RNF180: variants seen among roughly 807,000 people sequenced by gnomAD.
RNF180 encodes the protein E3 ubiquitin-protein ligase RNF180.
A neutral mutation model predicts 59.2 loss-of-function variants in RNF180; 38 were observed. That is an observed-to-expected ratio of 0.64 (90% CI 0.50 to 0.84). RNF180 has a LOEUF of 0.84. Ranked by LOEUF, RNF180 falls within the 40% of genes least tolerant of loss-of-function variation. RNF180 has a pLI of 0.00. For synonymous variants in RNF180, 262 were observed against 240.3 expected, an observed-to-expected ratio of 1.09 and a Z score of -0.84; for missense variants, 705 against 700.9, an observed-to-expected ratio of 1.01 and a Z score of -0.07.
chr5:64,290,531 A>G (rs552684554), intron 5 of RNF180, among the ~76,000 whole-genome samples: 1 of 152,312 alleles, frequency 6.6e-6, no homozygotes, highest in South Asian at 2.1e-4. Flanking sequence ...GTAGGTCTCT[A>G]AGAACTTGCT....
intron 5 of RNF180, among the ~76,000 whole-genome samples, chr5:64,231,054 G>C (rs1487707969): frequency 1.3e-5 from 2 of 152,182 alleles, no homozygotes; most frequent in Non-Finnish European, 2.9e-5. Context: ...ACAAGGCATT[G>C]TTTGAAAAGG....
chr5:64,347,042 G>A (rs530266006), intron 7 of RNF180, among the ~76,000 whole-genome samples: 3 of 152,188 alleles, frequency 2.0e-5, no homozygotes, highest in Non-Finnish European at 4.4e-5. Context: ...CCGAAATAAA[G>A]TTAACTCTGG....
intron 5 of RNF180, among the ~76,000 whole-genome samples, chr5:64,225,334 C>CT (rs1741619116): frequency 7.1e-6 from 1 of 140,824 alleles, no homozygotes. Flanking sequence ...GCCCAGCCGC[C>CT]CCGTCTGGGA....
intron 5 of RNF180, among the ~76,000 whole-genome samples, chr5:64,304,683 A>G (rs960171567): frequency 4.6e-5 from 7 of 151,718 alleles, no homozygotes; most frequent in African/African-American, 1.7e-4. Flanking sequence ...GTGTCTTGAG[A>G]TGGAATCTAT....
At chr5:64,231,151 C>T (rs1452891626) in intron 5 of RNF180, among the ~76,000 whole-genome samples, 2 of 152,182 alleles carry the variant, frequency 1.3e-5, no homozygotes, top group Admixed American at 6.5e-5. Context: ...ATTGACCTAC[C>T]TCACAGTGTT....
intron 2 of RNF180, among the ~76,000 whole-genome samples, chr5:64,202,712 C>A (rs1222887070): frequency 2.0e-5 from 3 of 152,056 alleles, no homozygotes; most frequent in Admixed American, 2.0e-4. Context: ...ATTTTCATTT[C>A]CTTGGTGACT....
intron 5 of RNF180, among the ~76,000 whole-genome samples, chr5:64,317,728 CTA>C (rs149010624): frequency 3.3e-5 from 5 of 150,574 alleles, no homozygotes; most frequent in African/African-American, 7.3e-5. Context: ...GTACCAAACC[CTA>C]TATATATATA....
At chr5:64,182,198 A>G (rs6858914) in intron 1 of RNF180, among the ~76,000 whole-genome samples, 58 of 152,098 alleles carry the variant, frequency 3.8e-4, no homozygotes, top group African/African-American at 1.3e-3. Context: ...TCACTGTGTT[A>G]GCCAGGATGG....
intron 1 of RNF180, among the ~76,000 whole-genome samples, chr5:64,179,045 C>A (rs961502275): frequency 3.3e-5 from 5 of 152,124 alleles, no homozygotes; most frequent in Non-Finnish European, 7.4e-5. Flanking sequence ...GCTCCTTCCC[C>A]ACTCCCCAAT....
At chr5:64,346,359 C>CTTTTTTTTTTT (rs1162054033) in intron 7 of RNF180, among the ~76,000 whole-genome samples, 14 of 42,954 alleles carry the variant, frequency 3.3e-4, no homozygotes, top group African/African-American at 6.5e-4. Flanking sequence ...TTCTTTTCTT[C>CTTTTTTTTTTT]TTTTTTTTTT....
intron 7 of RNF180, among the ~76,000 whole-genome samples, chr5:64,346,141 G>A (rs1307762413): frequency 2.0e-5 from 3 of 151,632 alleles, no homozygotes; most frequent in Admixed American, 1.3e-4. Context: ...TCAGGAATTG[G>A]GCTTCCCAAA....
intron 5 of RNF180, among the ~76,000 whole-genome samples, chr5:64,301,161 A>G (rs1008028617): frequency 2.0e-5 from 3 of 151,826 alleles, no homozygotes; most frequent in East Asian, 1.9e-4. Flanking sequence ...AGAGTGTACT[A>G]TTTCTCTTAG....
rs547990037 is a variant in RNF180 at position 64,321,375 on chromosome 5, A to G, written c.1228-3811A>G. Among the ~76,000 whole-genome samples, 12 of 152,318 alleles carry G rather than the reference A, an allele frequency of 7.9e-5. 1 individual carries two copies. In the East Asian group the frequency reaches 2.3e-3, roughly 29 times the overall value. ...AAAATCACAAGCATTCCTATACACC[A>G]GCAATAGACAAACAGCCAAATCATG... On this transcript the variant is annotated intron_variant, in intron 5 of 7. Coordinates refer to ENST00000389100, the MANE Select transcript of RNF180 (RefSeq NM_001113561.2).
chr5:64,191,433 C>T (rs1358540504), intron 1 of RNF180, among the ~76,000 whole-genome samples: 1 of 152,120 alleles, frequency 6.6e-6, no homozygotes. Flanking sequence ...CTAAAATTCT[C>T]CTGCATTTCA....
intron 5 of RNF180, among the ~76,000 whole-genome samples, chr5:64,246,870 G>A (rs1411692352): frequency 6.6e-6 from 1 of 152,080 alleles, no homozygotes; most frequent in Non-Finnish European, 1.5e-5. Context: ...ATAATATACT[G>A]GTAAACCGGA....
At chr5:64,293,414 G>A (rs1028230323) in intron 5 of RNF180, among the ~76,000 whole-genome samples, 4 of 151,878 alleles carry the variant, frequency 2.6e-5, no homozygotes, top group Admixed American at 6.6e-5. Flanking sequence ...GCTTCTAATC[G>A]GCCACCTTGT....
intron 5 of RNF180, among the ~76,000 whole-genome samples, chr5:64,306,223 A>G (rs1254550589): frequency 1.3e-5 from 2 of 151,762 alleles, no homozygotes; most frequent in Non-Finnish European, 3.0e-5. Flanking sequence ...TTATTCACAA[A>G]ATAATAATAT....
At chr5:64,308,901 C>G (rs1743610025) in intron 5 of RNF180, among the ~76,000 whole-genome samples, 2 of 151,626 alleles carry the variant, frequency 1.3e-5, no homozygotes, top group Non-Finnish European at 1.5e-5. Flanking sequence ...CATTCTTCTC[C>G]TAGTCCTGTT....
At chr5:64,348,049 T>C (rs1745624490) in intron 7 of RNF180, among the ~76,000 whole-genome samples, 1 of 152,126 alleles carries the variant, frequency 6.6e-6, no homozygotes, top group South Asian at 2.1e-4. Context: ...ACTTAAAATA[T>C]GTATCTTATG....
Sources: gnomAD v4.1 joint callset for allele counts (sites outside exome capture counted in the v4.1 genomes callset) on GRCh38, gnomAD v4.1.1 for gene constraint, MANE v1.5 for transcripts, NCBI Gene and HGNC (gene_info 2026-07-23, HGNC 2026-07-21) for gene names.